COX10: variants seen among roughly 807,000 people sequenced by gnomAD.
COX10 encodes protoheme IX farnesyltransferase, mitochondrial.
Under a neutral mutation model 37.3 loss-of-function variants are expected in COX10, and 27 were observed. That is an observed-to-expected ratio of 0.72 (90% CI 0.53 to 1.00). The LOEUF (loss-of-function observed/expected upper bound fraction) is 1.00. Ranked by LOEUF, COX10 falls within the 50% of genes least tolerant of loss-of-function variation. COX10 has a pLI of 0.00. For missense variants in COX10, 475 were observed against 563.2 expected, an observed-to-expected ratio of 0.84 and a Z score of 1.59; for synonymous variants, 222 against 229.1, an observed-to-expected ratio of 0.97 and a Z score of 0.28.
chr17:14,081,583 A>C (rs1289278028), intron 3 of COX10, among the ~76,000 whole-genome samples: 1 of 152,106 alleles, frequency 6.6e-6, no homozygotes, highest in Non-Finnish European at 1.5e-5. Flanking sequence ...CTGCATTCAA[A>C]TCCTGGCTTT....
intron 4 of COX10, among the ~76,000 whole-genome samples, chr17:14,140,035 A>C (rs1354273833): frequency 6.6e-6 from 1 of 152,176 alleles, no homozygotes; most frequent in African/African-American, 2.4e-5. Flanking sequence ...ACTAACCTTC[A>C]AAAGAGTTTG....
intron 4 of COX10, among the ~76,000 whole-genome samples, chr17:14,119,237 G>A (rs971117962): frequency 1.1e-4 from 16 of 152,218 alleles, no homozygotes; most frequent in Admixed American, 4.6e-4. Context: ...ATTGACAGGC[G>A]TATATCTCCT....
At chr17:14,173,998 A>G (rs780161366) in intron 5 of COX10, among the ~76,000 whole-genome samples, 3 of 152,128 alleles carry the variant, frequency 2.0e-5, no homozygotes, top group Non-Finnish European at 4.4e-5. Flanking sequence ...AAAAGTAGAT[A>G]AACTGTACTT....
At chr17:14,135,645 C>A (rs1285828764) in intron 4 of COX10, among the ~76,000 whole-genome samples, 3 of 151,876 alleles carry the variant, frequency 2.0e-5, no homozygotes, top group African/African-American at 7.2e-5. Context: ...TGATTTTGTA[C>A]TCTAAATGTG....
chr17:14,081,332 G>GGA (rs1915290209), intron 3 of COX10, among the ~76,000 whole-genome samples: 1 of 151,980 alleles, frequency 6.6e-6, no homozygotes, highest in South Asian at 2.1e-4. Context: ...AGAGAACAAG[G>GGA]GAGAGAGAGA....
intron 4 of COX10, among the ~76,000 whole-genome samples, chr17:14,125,983 A>C (rs1916334548): frequency 6.6e-6 from 1 of 152,182 alleles, no homozygotes; most frequent in South Asian, 2.1e-4. Flanking sequence ...AACCTCCATT[A>C]AAGTGTTTGC....
intron 5 of COX10, among the ~76,000 whole-genome samples, chr17:14,178,517 CCTT>C (rs1905755823): frequency 6.9e-6 from 1 of 145,646 alleles, no homozygotes; most frequent in South Asian, 2.3e-4. Flanking sequence ...GACAGGTTGT[CCTT>C]CTGTCTTAGA....
intron 5 of COX10, among the ~76,000 whole-genome samples, chr17:14,187,376 T>G (rs1906065869): frequency 6.6e-6 from 1 of 152,220 alleles, no homozygotes; most frequent in South Asian, 2.1e-4. Context: ...TTGTGGTATA[T>G]CCAAAGAATA....
chr17:14,112,084 T>C (rs1916015320), intron 4 of COX10, among the ~76,000 whole-genome samples: 4 of 152,160 alleles, frequency 2.6e-5, no homozygotes, highest in Admixed American at 2.6e-4. Flanking sequence ...GCACAAAGTG[T>C]AATGTATTTT....
intron 3 of COX10, among the ~76,000 whole-genome samples, chr17:14,080,057 C>T (rs916861746): frequency 6.6e-6 from 1 of 151,906 alleles, no homozygotes; most frequent in Non-Finnish European, 1.5e-5. Context: ...GTTACTTTTA[C>T]GTATACGTCT....
At chr17:14,183,044 G>A (rs961184663) in intron 5 of COX10, among the ~76,000 whole-genome samples, 8 of 150,326 alleles carry the variant, frequency 5.3e-5, no homozygotes, top group African/African-American at 2.0e-4. Flanking sequence ...TATTTAAAAA[G>A]GAGAAAAAAA....
At chr17:14,164,772 C>G (rs56069852) in intron 5 of COX10, among the ~76,000 whole-genome samples, 20,037 of 152,200 alleles carry the variant, frequency 0.13, 1,656 homozygotes, top group Non-Finnish European at 0.19. Flanking sequence ...GACATTATAG[C>G]TCAAAGATGT....
intron 4 of COX10, among the ~76,000 whole-genome samples, chr17:14,134,477 C>T (rs1916534686): frequency 6.6e-6 from 1 of 151,694 alleles, no homozygotes; most frequent in Non-Finnish European, 1.5e-5. Context: ...AGATGAAAAG[C>T]ATCCGCCTTT....
At chr17:14,190,358 G>A (rs1906163059) in intron 5 of COX10, among the ~76,000 whole-genome samples, 1 of 152,080 alleles carries the variant, frequency 6.6e-6, no homozygotes, top group South Asian at 2.1e-4. Flanking sequence ...GATTATTGAG[G>A]GTGCCTGAGT....
At chr17:14,165,242 A>T (rs900651630) in intron 5 of COX10, among the ~76,000 whole-genome samples, 8 of 152,184 alleles carry the variant, frequency 5.3e-5, no homozygotes, top group Admixed American at 5.2e-4. Flanking sequence ...TGCTTCATAG[A>T]TACTACATTT....
intron 5 of COX10, among the ~76,000 whole-genome samples, chr17:14,166,561 T>G (rs1905288116): frequency 6.6e-6 from 1 of 151,128 alleles, no homozygotes; most frequent in African/African-American, 2.4e-5. Flanking sequence ...TTTTCATGCC[T>G]GCCAACACAA....
intron 4 of COX10, among the ~76,000 whole-genome samples, chr17:14,127,401 G>T (rs1274134541): frequency 6.6e-6 from 1 of 152,008 alleles, no homozygotes; most frequent in Non-Finnish European, 1.5e-5. Flanking sequence ...CATTACCTCA[G>T]TTTTTTCATA....
intron 4 of COX10, among the ~76,000 whole-genome samples, chr17:14,125,397 A>AT (rs1279662616): frequency 6.6e-6 from 1 of 152,220 alleles, no homozygotes; most frequent in Non-Finnish European, 1.5e-5. Context: ...TTAGCCTTGT[A>AT]TTAAGGGTAT....
At chr17:14,148,345 G>A (rs537087724) in intron 4 of COX10, among the ~76,000 whole-genome samples, 2 of 152,296 alleles carry the variant, frequency 1.3e-5, no homozygotes, top group African/African-American at 4.8e-5. Context: ...ATGGCTGACT[G>A]GGTGTCTTTA....
Sources: allele counts gnomAD v4.1 joint callset (sites outside exome capture counted in the v4.1 genomes callset), GRCh38; gene constraint gnomAD v4.1.1; transcripts MANE v1.5; gene names NCBI Gene and HGNC (gene_info 2026-07-23, HGNC 2026-07-21).